Variants in GOPC observed in about 807,000 individuals in gnomAD.
GOPC encodes golgi associated PDZ and coiled-coil motif containing.
GOPC carries 32 observed loss-of-function variants against 51.2 expected under a neutral mutation model. That is an observed-to-expected ratio of 0.63 (90% CI 0.47 to 0.84). The LOEUF is 0.84. Ranked by LOEUF, GOPC falls within the 40% of genes least tolerant of loss-of-function variation. GOPC has a pLI of 0.00. For missense variants in GOPC, 441 were observed against 555.5 expected, an observed-to-expected ratio of 0.79 and a Z score of 2.07; for synonymous variants, 190 against 205.1, an observed-to-expected ratio of 0.93 and a Z score of 0.63.
At chr6:117,590,387 A>T (rs576737970) in intron 1 of GOPC, among the ~76,000 whole-genome samples, 2 of 152,050 alleles carry the variant, frequency 1.3e-5, no homozygotes, top group Non-Finnish European at 2.9e-5. Context: ...CCTGGGCAAC[A>T]TAGTGAGACC....
In GOPC at chr6:117,569,689, C is replaced by A. The variant is rs41305292; in HGVS notation, c.960G>T (p.Pro320=). Residue 320 remains proline (P), a synonymous_variant, in exon 7 of 9, where the codon CCG becomes CCT. Coordinates refer to ENST00000368498, the MANE Select transcript of GOPC (RefSeq NM_020399.4). ...GVPILISEIH[P]GQPADRCGGL... is the part of the protein sequence containing the mutation. Reference sequence around the variant, plus strand: ...CTCCGCATCTATCAGCAGGTTGCCCCGGATGGATCTCAGAGATGAGGATTG... The same window carrying A: ...CTCCGCATCTATCAGCAGGTTGCCCAGGATGGATCTCAGAGATGAGGATTG... 2 of 1,608,052 alleles carry A rather than the reference C, an allele frequency of 1.2e-6. No individual in the cohort carries two copies. The highest frequency in any genetic ancestry group is 4.5e-5 in the East Asian group (2 of 44,470).
chr6:117,583,421 A>T (rs1311555247), intron 1 of GOPC, among the ~76,000 whole-genome samples: 1 of 152,182 alleles, frequency 6.6e-6, no homozygotes, highest in Non-Finnish European at 1.5e-5. Context: ...CTTAATTTTA[A>T]TGCAGCTCAT....
Position 117,573,649 on chromosome 6 carries a change from G to C in GOPC, c.651-17C>G, listed in dbSNP as rs1390541179. 25 of 1,590,548 alleles carry C rather than the reference G, an allele frequency of 1.6e-5. No homozygotes were observed. The highest frequency in any genetic ancestry group is 2.1e-5 in the Non-Finnish European group (24 of 1,167,222). ...TGTTGGACCCTTCATATTGGGAAAA[G>C]AGTACATTGATTTTTCATTATATTC... On this transcript the variant is annotated splice_polypyrimidine_tract_variant and intron_variant, in intron 4 of 8. Transcript: ENST00000368498.
Position 117,598,478 on chromosome 6 carries a change from C to T in GOPC, c.285+3526G>A, listed in dbSNP as rs1040290896. Among the ~76,000 whole-genome samples, 9 of 152,114 alleles carry T rather than the reference C, an allele frequency of 5.9e-5. No homozygotes were observed. The East Asian group carries it at 7.7e-4, about 13-fold the overall frequency. On this transcript the variant is annotated intron_variant, in intron 1 of 8. Coordinates refer to ENST00000368498, the MANE Select transcript of GOPC (RefSeq NM_020399.4). ...GGTAGGAAGATGTTGGTTAACACAG[C>T]GGTCACCAATGTTTTTGGCATCAGG...
chr6:117,597,059 C>T (rs185620219), intron 1 of GOPC, among the ~76,000 whole-genome samples: 1 of 152,272 alleles, frequency 6.6e-6, no homozygotes, highest in Admixed American at 6.5e-5. Context: ...CCTATGATTT[C>T]TTTCAGCAGT....
chr6:117,586,475 CTTTTTTTTTT>C (rs869148559), intron 1 of GOPC, among the ~76,000 whole-genome samples: 3 of 91,930 alleles, frequency 3.3e-5, no homozygotes, highest in Non-Finnish European at 6.4e-5. Context: ...CACAGAGATT[CTTTTTTTTTT>C]TTTTTTTTTT....
At chr6:117,590,189 A>G (rs762839362) in intron 1 of GOPC, among the ~76,000 whole-genome samples, 7 of 152,234 alleles carry the variant, frequency 4.6e-5, no homozygotes, top group Non-Finnish European at 1.0e-4. Flanking sequence ...ATTCAAATAA[A>G]CATTGAGTAC....
rs776521474 is a variant in GOPC at position 117,573,643 on chromosome 6, G to A, written c.651-11C>T. ...TGTATCTGTTGGACCCTTCATATTGGGAAAAGAGTACATTGATTTTTCATT... is the reference window on the plus strand; with the variant it reads ...TGTATCTGTTGGACCCTTCATATTGAGAAAAGAGTACATTGATTTTTCATT... On this transcript the variant is annotated splice_polypyrimidine_tract_variant and intron_variant, in intron 4 of 8. Coordinates refer to ENST00000368498, the MANE Select transcript of GOPC (RefSeq NM_020399.4). 5.6e-6 allele frequency: 9 copies of A among 1,594,238 alleles called. No individual in the cohort carries two copies. Among genetic ancestry groups the A allele is most frequent in the East Asian group, 2.3e-5 (1 of 44,396 alleles).
At chr6:117,578,027 CTG>C (rs1310671502) in intron 2 of GOPC, among the ~76,000 whole-genome samples, 1 of 152,108 alleles carries the variant, frequency 6.6e-6, no homozygotes, top group African/African-American at 2.4e-5. Flanking sequence ...CAAGCAATAG[CTG>C]TCTTATTTAT....
At position 117,573,616 on chromosome 6, in the gene GOPC, A is replaced by G. The variant is rs368969826; in HGVS notation, c.667T>C (p.Leu223=). 2 of 1,613,444 alleles carry G rather than the reference A, an allele frequency of 1.2e-6. No homozygotes were observed. The highest frequency in any genetic ancestry group is 1.7e-6 in the Non-Finnish European group (2 of 1,179,718). Residue 223 remains leucine (L), a synonymous_variant, in exon 5 of 9, where the codon TTG becomes CTG. Transcript: ENST00000368498. ...ELAGRVQQIQ[L]LGRDMKGPAH... The stretch of plus-strand genomic sequence containing the variant: ...GGTCCCTTCATATCTCGTCCTAGCA[A>G]TTGTATCTGTTGGACCCTTCATATT...
chr6:117,588,865 C>A (rs1780072289), intron 1 of GOPC, among the ~76,000 whole-genome samples: 1 of 149,482 alleles, frequency 6.7e-6, no homozygotes, highest in Non-Finnish European at 1.5e-5. Context: ...TGTAAGAATG[C>A]AAAGGACTCC....
At chr6:117,591,178 C>T (rs1323850801) in intron 1 of GOPC, among the ~76,000 whole-genome samples, 1 of 152,048 alleles carries the variant, frequency 6.6e-6, no homozygotes, top group East Asian at 1.9e-4. Flanking sequence ...AAAAAGGGGC[C>T]AAATACCAAT....
Position 117,566,919 on chromosome 6 carries a change from A to G in GOPC, c.1193T>C (p.Leu398Ser). 1 of 1,610,802 alleles carries G rather than the reference A, an allele frequency of 6.2e-7. No individual in the cohort carries two copies. Among genetic ancestry groups the G allele is most frequent in the East Asian group, 2.2e-5 (1 of 44,680 alleles). ...AGCACCAGGGTTACCACCTCCTTCT[A>G]ACTCATCAAGGTACAAACGGTAACG... Reference protein sequence around the residue: ...GHRYRLYLDELEGGGNPGASC... With the variant: ...GHRYRLYLDESEGGGNPGASC... Residue 398 changes from leucine to serine, a missense_variant, in exon 8 of 9, where the codon TTA becomes TCA. Physicochemically the swap from Leu to Ser is moderately radical, Grantham distance 145. This residue lies in a region of GOPC where 166 missense variants were observed against 267.0 expected (regional missense o/e 0.62). Coordinates refer to ENST00000368498, the MANE Select transcript of GOPC (RefSeq NM_020399.4).
chr6:117,600,499 T>C (rs1412896262), intron 1 of GOPC, among the ~76,000 whole-genome samples: 1 of 152,188 alleles, frequency 6.6e-6, no homozygotes, highest in Non-Finnish European at 1.5e-5. Flanking sequence ...TTGATCTTTG[T>C]TGTTTAAAGC....
chr6:117,570,507 T>C (rs1253430273), intron 6 of GOPC, among the ~76,000 whole-genome samples: 3 of 152,000 alleles, frequency 2.0e-5, no homozygotes, highest in Non-Finnish European at 4.4e-5. Flanking sequence ...AAGAGAAAGA[T>C]ACACGTACTC....
chr6:117,596,027 T>C (rs2114629674), intron 1 of GOPC, among the ~76,000 whole-genome samples: 2 of 152,312 alleles, frequency 1.3e-5, no homozygotes, highest in East Asian at 3.9e-4. Context: ...AGTGTAAAAG[T>C]GTTCCCTTTT....
intron 6 of GOPC, 110 bp downstream of exon 6, chr6:117,570,750 G>A (rs1407157730): frequency 1.2e-5 from 5 of 432,026 alleles, no homozygotes; most frequent in Non-Finnish European, 2.0e-5. Flanking sequence ...ATAAATTTTA[G>A]TTATTTAAAA....
chr6:117,598,208 A>T (rs534488910), intron 1 of GOPC, among the ~76,000 whole-genome samples: 204 of 151,486 alleles, frequency 1.3e-3, no homozygotes, highest in Non-Finnish European at 2.2e-3. Flanking sequence ...AAAAAAAAAA[A>T]AAATAAAATA....
intron 5 of GOPC, among the ~76,000 whole-genome samples, chr6:117,573,246 C>T (rs947331504): frequency 3.3e-5 from 5 of 152,176 alleles, no homozygotes; most frequent in Non-Finnish European, 7.3e-5. Context: ...CTAACAATGG[C>T]TCACTGTCTG....
Sources: gnomAD v4.1 joint callset for allele counts (sites outside exome capture counted in the v4.1 genomes callset) on GRCh38, gnomAD v4.1.1 for gene constraint, gnomAD v4.1.1 regional missense constraint, MANE v1.5 for transcripts, NCBI Gene and HGNC (gene_info 2026-07-23, HGNC 2026-07-21) for gene names.